The following CENPP variants were observed in gnomAD, a reference collection of about 807,000 sequenced individuals.
CENPP encodes the protein centromere protein P.
In CENPP, 24 loss-of-function variants were observed where a neutral mutation model predicts 35.6. The ratio of observed to expected loss-of-function variants is 0.67; its 90% CI spans 0.49 to 0.95. The LOEUF (loss-of-function observed/expected upper bound fraction) is 0.95, where lower values mean the gene tolerates loss of function less well. CENPP is among the 40% of genes least tolerant of loss of function. The pLI is 0.00. For missense variants in CENPP, 332 were observed against 345.3 expected, an observed-to-expected ratio of 0.96 and a Z score of 0.31; for synonymous variants, 120 against 125.5, an observed-to-expected ratio of 0.96 and a Z score of 0.29.
intron 5 of CENPP, among the ~76,000 whole-genome samples, chr9:92,389,433 A>C (rs1188145424): frequency 6.6e-6 from 1 of 152,206 alleles, no homozygotes; most frequent in East Asian, 1.9e-4. Flanking sequence ...TAAATATTAA[A>C]AGTTAAATTC....
intron 5 of CENPP, among the ~76,000 whole-genome samples, chr9:92,422,054 C>CT (rs58510878): frequency 0.012 from 1,723 of 146,064 alleles, 32 homozygotes; most frequent in African/African-American, 0.039. Flanking sequence ...AACATATTAA[C>CT]TTTTTTTTTT....
chr9:92,587,391 C>T (rs1850565868), intron 5 of CENPP, among the ~76,000 whole-genome samples: 1 of 151,980 alleles, frequency 6.6e-6, no homozygotes, highest in African/African-American at 2.4e-5. Flanking sequence ...GTCACTTGAA[C>T]CTGGGAGGTG....
At chr9:92,609,572 G>C (rs573706327) in intron 5 of CENPP, among the ~76,000 whole-genome samples, 1 of 152,318 alleles carries the variant, frequency 6.6e-6, no homozygotes, top group Admixed American at 6.5e-5. Flanking sequence ...AGCACCCCCA[G>C]GCTTCTATAT....
At chr9:92,446,384 A>G (rs568775653) in intron 5 of CENPP, among the ~76,000 whole-genome samples, 2 of 152,334 alleles carry the variant, frequency 1.3e-5, no homozygotes, top group Admixed American at 1.3e-4. Context: ...CTCAGAGTCT[A>G]TAATAGAAAC....
In CENPP at chr9:92,586,625, C is replaced by A. The variant is rs144628091; in HGVS notation, c.565-24689C>A. Among the ~76,000 whole-genome samples, 172 of 152,234 alleles carry A rather than the reference C, an allele frequency of 1.1e-3. 1 individual carries two copies. In the East Asian group the frequency reaches 0.028, roughly 25 times the overall value. On this transcript the variant is annotated intron_variant, in intron 5 of 7. Coordinates refer to ENST00000375587, the MANE Select transcript of CENPP (RefSeq NM_001012267.3). ...GTGAGGGCTAAGGCAGAGTTGTAGGCAGGCTGCCATAGCTTTAAGGGAGTG... is the reference window on the plus strand; with the variant it reads ...GTGAGGGCTAAGGCAGAGTTGTAGGAAGGCTGCCATAGCTTTAAGGGAGTG...
chr9:92,597,991 A>T (rs1850822038), intron 5 of CENPP, among the ~76,000 whole-genome samples: 2 of 152,312 alleles, frequency 1.3e-5, no homozygotes, highest in Admixed American at 1.3e-4. Context: ...AGTATAGAAA[A>T]ATCATATTTG....
chr9:92,430,017 G>A (rs1212343402), intron 5 of CENPP, among the ~76,000 whole-genome samples: 2 of 152,186 alleles, frequency 1.3e-5, no homozygotes, highest in African/African-American at 4.8e-5. Flanking sequence ...GTGTGTCTGA[G>A]GGGTCAATCC....
intron 4 of CENPP, among the ~76,000 whole-genome samples, chr9:92,372,041 TAAAAAAAAAA>T (rs1167832452): frequency 1.9e-5 from 1 of 52,244 alleles, no homozygotes; most frequent in Non-Finnish European, 3.4e-5. Context: ...AGACTCCATC[TAAAAAAAAAA>T]AAAAAAAAAG....
intron 5 of CENPP, among the ~76,000 whole-genome samples, chr9:92,592,135 A>C (rs926353409): frequency 6.6e-6 from 1 of 152,222 alleles, no homozygotes; most frequent in South Asian, 2.1e-4. Context: ...ATAAATATAT[A>C]CATTATATAA....
At chr9:92,543,906 A>C (rs1849371360) in intron 5 of CENPP, among the ~76,000 whole-genome samples, 1 of 152,198 alleles carries the variant, frequency 6.6e-6, no homozygotes, top group Non-Finnish European at 1.5e-5. Context: ...AACTTTATTG[A>C]ATTCATTTAT....
intron 5 of CENPP, among the ~76,000 whole-genome samples, chr9:92,548,824 T>C (rs1849527395): frequency 6.6e-6 from 1 of 152,170 alleles, no homozygotes. Flanking sequence ...TTAGAGTTGA[T>C]GAAATTCAAA....
At chr9:92,413,365 A>G (rs1588112124) in intron 5 of CENPP, among the ~76,000 whole-genome samples, 1 of 152,302 alleles carries the variant, frequency 6.6e-6, no homozygotes, top group East Asian at 1.9e-4. Flanking sequence ...CCAAAGGTGT[A>G]TGAAGGCTCC....
Position 92,527,134 on chromosome 9 carries a change from G to C in CENPP, c.565-84180G>C, listed in dbSNP as rs143941655. Among the ~76,000 whole-genome samples the C allele has an allele frequency of 7.2e-3, 1,100 of 152,132 alleles. 16 individuals carry two copies. The highest frequency in any genetic ancestry group is 0.025 in the African/African-American group (1,037 of 41,504). ...AGCCAATCTCACACCTCAGCCTCCC[G>C]AGTAGCTGGGACTACAGACCCGTGC... On this transcript the variant is annotated intron_variant, in intron 5 of 7. Transcript: ENST00000375587.
Position 92,614,774 on chromosome 9 carries a change from G to A in CENPP, c.*1625G>A, listed in dbSNP as rs1224484334. 1 of 152,590 alleles carries A rather than the reference G, an allele frequency of 6.6e-6. No individual in the cohort carries two copies. Among genetic ancestry groups the A allele is most frequent in the Non-Finnish European group, 1.5e-5 (1 of 68,038 alleles). 9.5% of individuals were successfully genotyped at this position (152,590 alleles called of 1,614,324 possible). On this transcript the variant is annotated 3_prime_UTR_variant, in exon 8 of 8. Transcript: ENST00000375587. ...GCATAGAATAAAAAACTGAAACCAA[G>A]ATTCCCAACGTTTTTCATAGCAGCC...
At chr9:92,478,809 C>A (rs1845806253) in intron 5 of CENPP, among the ~76,000 whole-genome samples, 1 of 151,906 alleles carries the variant, frequency 6.6e-6, no homozygotes. Context: ...TTTAGATTCC[C>A]AGTCTGGACC....
chr9:92,529,511 T>C (rs1848618139), intron 5 of CENPP, among the ~76,000 whole-genome samples: 1 of 152,148 alleles, frequency 6.6e-6, no homozygotes. Flanking sequence ...CACGCAGATA[T>C]GTATAGGAGC....
chr9:92,487,635 A>G (rs1047381373), intron 5 of CENPP, among the ~76,000 whole-genome samples: 1 of 152,202 alleles, frequency 6.6e-6, no homozygotes, highest in African/African-American at 2.4e-5. Context: ...AGTCAGCATC[A>G]GCAACACAGT....
intron 5 of CENPP, among the ~76,000 whole-genome samples, chr9:92,395,813 G>A (rs1045829886): frequency 1.3e-5 from 2 of 150,764 alleles, no homozygotes; most frequent in African/African-American, 4.9e-5. Context: ...TATATTTGAT[G>A]ACTTGTCTTT....
intron 5 of CENPP, among the ~76,000 whole-genome samples, chr9:92,425,325 T>A (rs1362376531): frequency 6.6e-6 from 1 of 152,218 alleles, no homozygotes; most frequent in Admixed American, 6.5e-5. Flanking sequence ...CACAAAATAA[T>A]TCTGTAGTAT....
Sources: gnomAD v4.1 joint callset for allele counts (sites outside exome capture counted in the v4.1 genomes callset) on GRCh38, gnomAD v4.1.1 for gene constraint, MANE v1.5 for transcripts, NCBI Gene and HGNC (gene_info 2026-07-23, HGNC 2026-07-21) for gene names.